MAPRE2: variants seen among roughly 807,000 people sequenced by gnomAD.
MAPRE2 encodes microtubule associated protein RP/EB family member 2.
MAPRE2 carries 13 observed loss-of-function variants against 43.2 expected under a neutral mutation model. That is an observed-to-expected ratio of 0.30 (90% CI 0.20 to 0.48). The LOEUF is 0.48. Among genes scored for constraint, MAPRE2 ranks in the 20% least tolerant of loss-of-function variants. The pLI, the probability that MAPRE2 is intolerant of heterozygous loss-of-function variation, is 0.99. For missense variants in MAPRE2, 161 were observed against 400.2 expected, an observed-to-expected ratio of 0.40 and a Z score of 5.10; for synonymous variants, 135 against 148.8, an observed-to-expected ratio of 0.91 and a Z score of 0.68.
chr18:35,016,078 C>T (rs917094306), intron 2 of MAPRE2, among the ~76,000 whole-genome samples: 2 of 151,868 alleles, frequency 1.3e-5, no homozygotes, highest in Admixed American at 1.3e-4. Flanking sequence ...TGTTAATTTG[C>T]CCAGGATAAT....
chr18:34,986,655 G>A (rs1363912865), intron 1 of MAPRE2, among the ~76,000 whole-genome samples: 1 of 152,178 alleles, frequency 6.6e-6, no homozygotes, highest in Non-Finnish European at 1.5e-5. Flanking sequence ...AAATCCAGAA[G>A]CAATTCCCTC....
chr18:35,094,928 T>A (rs1908333008), intron 2 of MAPRE2, among the ~76,000 whole-genome samples: 1 of 152,122 alleles, frequency 6.6e-6, no homozygotes, highest in African/African-American at 2.4e-5. Flanking sequence ...CCTTCATCCT[T>A]ATTGTTGTGA....
At chr18:35,048,631 CAT>C (rs1345742760) in intron 1 of MAPRE2, among the ~76,000 whole-genome samples, 3 of 148,722 alleles carry the variant, frequency 2.0e-5, no homozygotes, top group Non-Finnish European at 4.5e-5. Context: ...AGTATTAACA[CAT>C]ATACTATATG....
At chr18:35,018,905 A>T (rs563224846) in intron 2 of MAPRE2, among the ~76,000 whole-genome samples, 3 of 151,858 alleles carry the variant, frequency 2.0e-5, no homozygotes, top group Non-Finnish European at 4.4e-5. Flanking sequence ...TCCCTTTGGT[A>T]TGATGTTAGA....
chr18:35,123,167 C>T (rs1909764204), intron 4 of MAPRE2, among the ~76,000 whole-genome samples: 1 of 152,166 alleles, frequency 6.6e-6, no homozygotes, highest in African/African-American at 2.4e-5. Flanking sequence ...GTTTGGCTTG[C>T]CATGACCCCT....
At chr18:35,069,718 A>G (rs1229943684) in intron 1 of MAPRE2, among the ~76,000 whole-genome samples, 2 of 152,222 alleles carry the variant, frequency 1.3e-5, no homozygotes, top group Non-Finnish European at 2.9e-5. Context: ...GTAAAATTGC[A>G]AAGTTTCATC....
intron 2 of MAPRE2, among the ~76,000 whole-genome samples, chr18:35,012,553 A>G (rs537750654): frequency 6.6e-6 from 1 of 152,360 alleles, no homozygotes; most frequent in East Asian, 1.9e-4. Context: ...ATACAATGGA[A>G]TATTGTTCAA....
intron 5 of MAPRE2, among the ~76,000 whole-genome samples, chr18:35,130,846 C>G (rs1910114257): frequency 6.6e-6 from 1 of 152,082 alleles, no homozygotes; most frequent in Non-Finnish European, 1.5e-5. Flanking sequence ...AGTCACAACC[C>G]CGTGAGGGTT....
rs1040653568 is a variant in MAPRE2 at position 35,008,698 on chromosome 18, G to A, written c.-8+3145G>A. ...CAGATCTTGTTGTTGGTTTGGTTTC[G>A]TTTGGTTTGTGTCTATTCATCTATT... is the stretch of plus-strand genomic sequence containing the variant. On this transcript the variant is annotated intron_variant, in intron 2 of 7. Transcript: ENST00000413393. Among the ~76,000 whole-genome samples, 33 of 152,044 alleles carry A rather than the reference G, an allele frequency of 2.2e-4. 1 individual carries two copies. Among genetic ancestry groups the A allele is most frequent in the Admixed American group, 3.9e-4 (6 of 15,268 alleles).
At chr18:34,997,670 GCC>G (rs2097027197) in intron 1 of MAPRE2, among the ~76,000 whole-genome samples, 1 of 152,138 alleles carries the variant, frequency 6.6e-6, no homozygotes, top group Non-Finnish European at 1.5e-5. Context: ...ACAAAAATTA[GCC>G]TGGCGTGGTG....
intron 2 of MAPRE2, among the ~76,000 whole-genome samples, chr18:35,076,588 C>G (rs1907367701): frequency 6.6e-6 from 1 of 152,108 alleles, no homozygotes; most frequent in African/African-American, 2.4e-5. Context: ...CTAGGGGGGC[C>G]TTTGTCTTAT....
At chr18:35,049,959 A>G (rs1905852752) in intron 1 of MAPRE2, among the ~76,000 whole-genome samples, 1 of 152,134 alleles carries the variant, frequency 6.6e-6, no homozygotes, top group Admixed American at 6.5e-5. Context: ...TAAAAGGCTT[A>G]TTTATCTGTT....
intron 6 of MAPRE2, among the ~76,000 whole-genome samples, chr18:35,136,372 A>G (rs1455097735): frequency 3.3e-5 from 5 of 152,146 alleles, no homozygotes; most frequent in Non-Finnish European, 7.3e-5. Flanking sequence ...TGGCTATAGA[A>G]AAAGACCCAA....
In MAPRE2 at chr18:35,101,850, C is replaced by T. The variant is rs1846256413; in HGVS notation, c.397-96C>T. ...TATAAACAGTGCTGCCACAAACTTA[C>T]AAGTGCAGATATCTTTTTGAGATAC... On this transcript the variant is annotated intron_variant, in intron 3 of 6. Coordinates refer to ENST00000300249, the MANE Select transcript of MAPRE2 (RefSeq NM_014268.4). The T allele has an allele frequency of 1.4e-5, 12 of 885,928 alleles. No homozygotes were observed. In the South Asian group the frequency reaches 2.1e-4, roughly 15 times the overall value. The allele number at this position is 885,928 out of a possible 1,614,324, so 54.9% of individuals were successfully genotyped here. A position where few individuals can be genotyped will look rare whatever the true frequency, so the allele number is the denominator to read the frequency against.
At chr18:35,017,452 C>T (rs938224156) in intron 2 of MAPRE2, among the ~76,000 whole-genome samples, 4 of 151,742 alleles carry the variant, frequency 2.6e-5, no homozygotes, top group African/African-American at 4.8e-5. Context: ...GAATGTTTTC[C>T]ATTTGTTTGT....
chr18:35,043,316 A>T (rs1905457230), intron 1 of MAPRE2, among the ~76,000 whole-genome samples: 1 of 152,182 alleles, frequency 6.6e-6, no homozygotes, highest in Admixed American at 6.5e-5. Flanking sequence ...TCATTTTCTA[A>T]ATGATTTAAT....
At chr18:35,081,681 T>C (rs1026447674) in intron 2 of MAPRE2, among the ~76,000 whole-genome samples, 2 of 152,122 alleles carry the variant, frequency 1.3e-5, no homozygotes, top group African/African-American at 4.8e-5. Flanking sequence ...ATGGCTGAAA[T>C]CTGGGGAAGA....
In MAPRE2 at chr18:35,140,485, C is replaced by A; in HGVS notation, c.*116C>A. The stretch of plus-strand genomic sequence containing the variant: ...CCAGTTGTTCCCAATCTGCCGTTAC[C>A]ATCAACGCACTGTTGCATATGCCAG... On this transcript the variant is annotated 3_prime_UTR_variant, in exon 7 of 7. Coordinates refer to ENST00000300249, the MANE Select transcript of MAPRE2 (RefSeq NM_014268.4). The A allele has an allele frequency of 1.0e-6, 1 of 993,374 alleles. No individual in the cohort carries two copies. The highest frequency in any genetic ancestry group is 1.5e-6 in the Non-Finnish European group (1 of 667,146). The allele number at this position is 993,374 out of a possible 1,614,324, so 61.5% of individuals were successfully genotyped here. A position where few individuals can be genotyped will look rare whatever the true frequency, so the allele number is the denominator to read the frequency against.
chr18:34,978,496 T>C, intron 1 of MAPRE2: 1 of 1,551,476 alleles, frequency 6.4e-7, no homozygotes, highest in Non-Finnish European at 8.7e-7. Flanking sequence ...ATTTACACTT[T>C]TGCTGAATAG....
Sources: gnomAD v4.1 joint callset for allele counts (sites outside exome capture counted in the v4.1 genomes callset) on GRCh38, gnomAD v4.1.1 for gene constraint, MANE v1.5 for transcripts, NCBI Gene and HGNC (gene_info 2026-07-23, HGNC 2026-07-21) for gene names.